GPATCH2: variants seen among roughly 807,000 people sequenced by gnomAD.
GPATCH2 encodes the protein G-patch domain containing 2.
GPATCH2 carries 51 observed loss-of-function variants against 58.0 expected under a neutral mutation model. The observed-to-expected ratio is 0.88, with a 90% CI of 0.70 to 1.11. The LOEUF (loss-of-function observed/expected upper bound fraction) is 1.11, where lower values mean the gene tolerates loss of function less well. Ranked by LOEUF, GPATCH2 falls within the 50% of genes most tolerant of loss-of-function variation. The pLI, the probability that GPATCH2 is intolerant of heterozygous loss-of-function variation, is 0.00. For missense variants in GPATCH2, 625 were observed against 652.2 expected (o/e 0.96, Z 0.45); for synonymous variants, 222 against 218.5 (o/e 1.02, Z -0.14).
intron 5 of GPATCH2, among the ~76,000 whole-genome samples, chr1:217,528,340 T>C (rs1664022748): frequency 6.6e-6 from 1 of 152,206 alleles, no homozygotes; most frequent in South Asian, 2.1e-4. Context: ...TTTTCATGTA[T>C]TAAATTTCCA....
Position 217,620,178 on chromosome 1 carries a change from G to A in GPATCH2, c.378C>T (p.Arg126=), listed in dbSNP as rs770745182. The part of the protein sequence containing the change: ...DSDDQMLVAK[R]RPSSNLNNNV... ...TATTATTTAAGTTTGATGACGGCCTGCGCTTTGCTACTAACATTTGGTCAT... is the reference window on the plus strand; with the variant it reads ...TATTATTTAAGTTTGATGACGGCCTACGCTTTGCTACTAACATTTGGTCAT... Residue 126 remains arginine (R), a synonymous_variant, in exon 2 of 10, where the codon CGC becomes CGT. Transcript: ENST00000366935. 4.3e-6 allele frequency: 7 copies of A among 1,613,878 alleles called. No homozygotes were observed. The highest frequency in any genetic ancestry group is 5.9e-6 in the Non-Finnish European group (7 of 1,179,920).
At chr1:217,594,428 T>C (rs1667727318) in intron 5 of GPATCH2, among the ~76,000 whole-genome samples, 1 of 152,270 alleles carries the variant, frequency 6.6e-6, no homozygotes, top group East Asian at 1.9e-4. Context: ...TTTTAATTTA[T>C]ATGAAATGCT....
rs537224912 is a variant in GPATCH2 at position 217,454,785 on chromosome 1, C to A, written c.1278-5448G>T. Reference sequence around the variant, plus strand: ...GGTAGCTGGGACTACAGGTGCACACCACTATGCCCTCTAATTTTCATATTT... The same window carrying A: ...GGTAGCTGGGACTACAGGTGCACACAACTATGCCCTCTAATTTTCATATTT... On this transcript the variant is annotated intron_variant, in intron 8 of 9. Transcript: ENST00000366935. 4.6e-5 allele frequency among the ~76,000 whole-genome samples: 7 copies of A among 151,494 alleles called. No individual in the cohort carries two copies. The South Asian group carries it at 1.5e-3, about 32-fold the overall frequency.
chr1:217,537,001 A>G (rs1368934504), intron 5 of GPATCH2, among the ~76,000 whole-genome samples: 1 of 152,112 alleles, frequency 6.6e-6, no homozygotes, highest in African/African-American at 2.4e-5. Flanking sequence ...AACCAGCCAA[A>G]CAAACAGACA....
intron 1 of GPATCH2, among the ~76,000 whole-genome samples, chr1:217,628,651 C>T (rs1356704035): frequency 2.1e-5 from 3 of 146,070 alleles, no homozygotes; most frequent in Non-Finnish European, 4.5e-5. Flanking sequence ...ATTTTAATGG[C>T]TTTTTTTTAA....
intron 1 of GPATCH2, among the ~76,000 whole-genome samples, chr1:217,629,412 AAGG>A (rs1257496250): frequency 3.3e-5 from 5 of 152,290 alleles, no homozygotes; most frequent in African/African-American, 1.2e-4. Context: ...AAGAGAATTG[AAGG>A]AGGTTTCTCT....
At chr1:217,546,389 C>T (rs1665051699) in intron 5 of GPATCH2, among the ~76,000 whole-genome samples, 3 of 152,148 alleles carry the variant, frequency 2.0e-5, no homozygotes, top group Non-Finnish European at 2.9e-5. Context: ...ACCAAAACAG[C>T]ATGGTACTGG....
chr1:217,584,344 A>AAAATATATAT (rs1463910405), intron 5 of GPATCH2, among the ~76,000 whole-genome samples: 1 of 101,858 alleles, frequency 9.8e-6, no homozygotes, highest in Non-Finnish European at 2.0e-5. Context: ...AAAAAAAAAA[A>AAAATATATAT]ATATATATAT....
At chr1:217,583,161 G>A (rs564014581) in intron 5 of GPATCH2, among the ~76,000 whole-genome samples, 6 of 152,250 alleles carry the variant, frequency 3.9e-5, no homozygotes, top group South Asian at 4.1e-4. Flanking sequence ...GCACAGAACC[G>A]AAGATATTAC....
At chr1:217,513,685 A>C (rs1662966935) in intron 6 of GPATCH2, among the ~76,000 whole-genome samples, 2 of 152,228 alleles carry the variant, frequency 1.3e-5, no homozygotes, top group Admixed American at 1.3e-4. Context: ...ACAACTACTT[A>C]GTTTTAAAAA....
At chr1:217,495,886 G>T (rs1661981328) in intron 7 of GPATCH2, among the ~76,000 whole-genome samples, 1 of 152,176 alleles carries the variant, frequency 6.6e-6, no homozygotes, top group Non-Finnish European at 1.5e-5. Flanking sequence ...ATGGGACTTA[G>T]CACTGAAGAA....
At chr1:217,458,570 C>A (rs1423167584) in intron 8 of GPATCH2, among the ~76,000 whole-genome samples, 1 of 152,042 alleles carries the variant, frequency 6.6e-6, no homozygotes, top group African/African-American at 2.4e-5. Flanking sequence ...CATCATGCCC[C>A]GTATTTTTCC....
intron 5 of GPATCH2, among the ~76,000 whole-genome samples, chr1:217,578,689 C>T (rs762142750): frequency 5.9e-5 from 9 of 152,226 alleles, no homozygotes; most frequent in Non-Finnish European, 1.2e-4. Flanking sequence ...CCTCTTTTCA[C>T]ACAATACACG....
chr1:217,626,664 C>T (rs1367669208), intron 1 of GPATCH2, among the ~76,000 whole-genome samples: 2 of 152,084 alleles, frequency 1.3e-5, no homozygotes, highest in Non-Finnish European at 2.9e-5. Context: ...TATTATTCAT[C>T]AAATAAGTCC....
intron 6 of GPATCH2, 63 bp from the exon 7 acceptor site, chr1:217,498,458 TCGA>T: frequency 8.3e-7 from 1 of 1,200,622 alleles, no homozygotes; most frequent in Non-Finnish European, 1.2e-6. Flanking sequence ...TCTCACATGA[TCGA>T]GCCGCATGTG....
rs139510702 is a variant in GPATCH2 at position 217,558,536 on chromosome 1, C to T, written c.1099-43647G>A. Among the ~76,000 whole-genome samples the T allele has an allele frequency of 9.9e-3, 1,506 of 152,258 alleles. 25 individuals carry two copies. Among genetic ancestry groups the T allele is most frequent in the African/African-American group, 0.034 (1,425 of 41,558 alleles). On this transcript the variant is annotated intron_variant, in intron 5 of 9. Coordinates refer to ENST00000366935, the MANE Select transcript of GPATCH2 (RefSeq NM_018040.5). ...CCAATCTAAGAAGTCCACAAGCCAT[C>T]CTGCCAGCCAATCCCTATTCTTTAG... is the stretch of plus-strand genomic sequence containing the variant.
rs144452829 is a variant in GPATCH2 at position 217,497,855 on chromosome 1, C to T, written c.1206+501G>A. ...ATGTAAAAATAACTGTAATGAATGT[C>T]AACTTCTCACTGAGTCAACTAATCA... On this transcript the variant is annotated intron_variant, in intron 7 of 9. Transcript: ENST00000366935. 5.1e-3 allele frequency among the ~76,000 whole-genome samples: 781 copies of T among 152,222 alleles called. 3 individuals carry two copies. The highest frequency in any genetic ancestry group is 0.018 in the African/African-American group (746 of 41,552).
chr1:217,468,576 A>G (rs953636019), intron 8 of GPATCH2, among the ~76,000 whole-genome samples: 2 of 150,246 alleles, frequency 1.3e-5, no homozygotes, highest in Admixed American at 1.3e-4. Context: ...GAGAAAGAGA[A>G]AGAGAGATAG....
At chr1:217,588,582 T>G (rs1667447425) in intron 5 of GPATCH2, among the ~76,000 whole-genome samples, 1 of 152,200 alleles carries the variant, frequency 6.6e-6, no homozygotes, top group Non-Finnish European at 1.5e-5. Flanking sequence ...GTCATATAAT[T>G]AAATGTCCTT....
Sources: gnomAD v4.1 joint callset for allele counts (sites outside exome capture counted in the v4.1 genomes callset) on GRCh38, gnomAD v4.1.1 for gene constraint, MANE v1.5 for transcripts, NCBI Gene and HGNC (gene_info 2026-07-23, HGNC 2026-07-21) for gene names.